OR2L13: variants seen among roughly 807,000 people sequenced by gnomAD.
OR2L13 encodes olfactory receptor family 2 subfamily L member 13.
OR2L13 carries 14 observed loss-of-function variants against 15.3 expected under a neutral mutation model. The observed-to-expected ratio is 0.91, with a 90% CI of 0.60 to 1.43. The LOEUF (loss-of-function observed/expected upper bound fraction) is 1.43, where lower values mean the gene tolerates loss of function less well. Among genes scored for constraint, OR2L13 ranks in the 40% most tolerant of loss-of-function variants. The pLI is 0.00. For synonymous variants in OR2L13, 152 were observed against 142.9 expected, an observed-to-expected ratio of 1.06 and a Z score of -0.45; for missense variants, 367 against 387.9, an observed-to-expected ratio of 0.95 and a Z score of 0.45.
the OR2L13 span, among the ~76,000 whole-genome samples, chr1:248,011,215 T>C: frequency 2.0e-5 from 3 of 152,268 alleles, no homozygotes; most frequent in Non-Finnish European, 4.4e-5. Flanking sequence ...GTATGAAGCT[T>C]AGTTTGGCTG....
At chr1:248,007,527 T>C in the OR2L13 span, among the ~76,000 whole-genome samples, 1 of 152,216 alleles carries the variant, frequency 6.6e-6, no homozygotes, top group African/African-American at 2.4e-5. Flanking sequence ...ACATTGTTTA[T>C]GAGAATATAC....
the OR2L13 span, among the ~76,000 whole-genome samples, chr1:248,024,867 T>A: frequency 3.9e-5 from 6 of 152,174 alleles, no homozygotes; most frequent in Non-Finnish European, 8.8e-5. Flanking sequence ...TTCTTTTGGC[T>A]TAGGATTGAC....
the OR2L13 span, chr1:247,938,991 A>C: frequency 3.3e-5 from 5 of 152,204 alleles, no homozygotes; most frequent in Admixed American, 1.3e-4. Context: ...AATTCATTTG[A>C]GAAGAAACGC....
chr1:248,070,782 G>A, the OR2L13 span, among the ~76,000 whole-genome samples: 1 of 152,176 alleles, frequency 6.6e-6, no homozygotes, highest in Non-Finnish European at 1.5e-5. Flanking sequence ...AATAAAAAAT[G>A]ATAAAGTGGA....
chr1:247,987,009 C>T, the OR2L13 span, among the ~76,000 whole-genome samples: 2 of 151,844 alleles, frequency 1.3e-5, no homozygotes, highest in East Asian at 1.9e-4. Context: ...GTGTATAAGC[C>T]TTTTACCTTC....
chr1:248,014,805 TA>T, the OR2L13 span, among the ~76,000 whole-genome samples: 1 of 152,194 alleles, frequency 6.6e-6, no homozygotes, highest in South Asian at 2.1e-4. Flanking sequence ...GTTGTAATTA[TA>T]AAATACAGGG....
the OR2L13 span, among the ~76,000 whole-genome samples, chr1:248,082,618 G>T: frequency 1.3e-5 from 2 of 152,196 alleles, no homozygotes; most frequent in Non-Finnish European, 2.9e-5. Flanking sequence ...ATTTGGCTTT[G>T]ATAACCACAG....
intron 1 of OR2L13, among the ~76,000 whole-genome samples, chr1:248,097,616 G>A (rs1413034833): frequency 6.6e-6 from 1 of 152,124 alleles, no homozygotes; most frequent in Non-Finnish European, 1.5e-5. Flanking sequence ...ATAATACTCT[G>A]AGCTATAGTC....
chr1:247,952,992 A>G, the OR2L13 span, among the ~76,000 whole-genome samples: 2 of 152,188 alleles, frequency 1.3e-5, no homozygotes, highest in Admixed American at 6.5e-5. Flanking sequence ...TTTCATGCCA[A>G]TGACCCTGGG....
At chr1:247,989,967 A>G in the OR2L13 span, among the ~76,000 whole-genome samples, 12 of 152,176 alleles carry the variant, frequency 7.9e-5, no homozygotes, top group Non-Finnish European at 1.3e-4. Context: ...ACACCGTTCA[A>G]TAAGATATTT....
chr1:248,073,655 A>C, the OR2L13 span, among the ~76,000 whole-genome samples: 1 of 151,098 alleles, frequency 6.6e-6, no homozygotes, highest in Non-Finnish European at 1.5e-5. Flanking sequence ...AATTAAAAAA[A>C]TAAAAAATAA....
chr1:248,047,183 C>A, the OR2L13 span, among the ~76,000 whole-genome samples: 13 of 152,086 alleles, frequency 8.5e-5, no homozygotes, highest in African/African-American at 1.2e-4. Context: ...ATTAAAGAAC[C>A]CACATTCATA....
At chr1:247,940,910 G>A in the OR2L13 span, among the ~76,000 whole-genome samples, 1 of 151,960 alleles carries the variant, frequency 6.6e-6, no homozygotes, top group South Asian at 2.1e-4. Context: ...ATCAACATCT[G>A]TGCTTTTTTT....
chr1:248,085,615 GA>G, the OR2L13 span, among the ~76,000 whole-genome samples: 9 of 151,590 alleles, frequency 5.9e-5, no homozygotes, highest in Non-Finnish European at 1.2e-4. Flanking sequence ...TTTGTGCTAA[GA>G]AAAAAAGTAA....
the OR2L13 span, chr1:247,965,909 T>G: frequency 1.9e-6 from 3 of 1,612,302 alleles, no homozygotes; most frequent in Non-Finnish European, 2.5e-6. Flanking sequence ...AACCACTTTT[T>G]CTGTGAAGTT....
At chr1:247,975,739 C>A in the OR2L13 span, 2 of 478,890 alleles carry the variant, frequency 4.2e-6, no homozygotes, top group Non-Finnish European at 7.0e-6. Flanking sequence ...AAATAATATT[C>A]CATGCCAGGA....
the OR2L13 span, among the ~76,000 whole-genome samples, chr1:247,958,378 G>C: frequency 6.6e-6 from 1 of 152,126 alleles, no homozygotes; most frequent in African/African-American, 2.4e-5. Flanking sequence ...GGTCAATTTT[G>C]GAATAGGTGT....
the OR2L13 span, among the ~76,000 whole-genome samples, chr1:248,067,988 G>A: frequency 6.6e-6 from 1 of 152,228 alleles, no homozygotes; most frequent in Non-Finnish European, 1.5e-5. Context: ...AACAAAGCAG[G>A]CGGGAAGCTC....
chr1:248,028,140 C>CAAAAA, the OR2L13 span, among the ~76,000 whole-genome samples: 984 of 37,778 alleles, frequency 0.026, 116 homozygotes, highest in East Asian at 0.077. Context: ...GATTCCGTCT[C>CAAAAA]AAAAAAAAAA....
Sources: gnomAD v4.1 joint callset for allele counts (sites outside exome capture counted in the v4.1 genomes callset) on GRCh38, gnomAD v4.1.1 for gene constraint, MANE v1.5 for transcripts, NCBI Gene and HGNC (gene_info 2026-07-23, HGNC 2026-07-21) for gene names.